GAS7: variants seen among roughly 807,000 people sequenced by gnomAD.
GAS7 encodes the protein growth arrest specific 7.
GAS7 carries 28 observed loss-of-function variants against 71.1 expected under a neutral mutation model. The observed-to-expected ratio is 0.39, with a 90% CI of 0.29 to 0.54. GAS7 has a LOEUF of 0.54. Among genes scored for constraint, GAS7 ranks in the 20% least tolerant of loss-of-function variants. The probability of loss-of-function intolerance (pLI) is 0.62; values close to 1 mark genes in which losing one functional copy is unlikely to be tolerated. For missense variants in GAS7, 436 were observed against 627.8 expected (o/e 0.69, Z 3.27); for synonymous variants, 258 against 245.8 (o/e 1.05, Z -0.46).
chr17:10,051,166 C>T (rs1288010911), intron 1 of GAS7, among the ~76,000 whole-genome samples: 3 of 152,204 alleles, frequency 2.0e-5, no homozygotes, highest in Admixed American at 2.0e-4. Flanking sequence ...CCACCACCTA[C>T]TTCATAGAAT....
rs1483205243 is a variant in GAS7 at position 9,917,165 on chromosome 17, G to C, written c.*63C>G. On this transcript the variant is annotated 3_prime_UTR_variant, in exon 14 of 14. Coordinates refer to ENST00000432992, the MANE Select transcript of GAS7 (RefSeq NM_201433.2). ...GGGTGGGGGGCATCCACTCGGCATG[G>C]GCCCCATGGTGGGAGCCCAGCCCCC... 11 of 1,012,110 alleles carry C rather than the reference G, an allele frequency of 1.1e-5. No homozygotes were observed. The highest frequency in any genetic ancestry group is 1.6e-5 in the Non-Finnish European group (10 of 631,686). The allele number at this position is 1,012,110 out of a possible 1,614,324, so 62.7% of individuals were successfully genotyped here. A position where few individuals can be genotyped will look rare whatever the true frequency, so the allele number is the denominator to read the frequency against.
At chr17:10,071,897 A>G (rs2073343015) in intron 1 of GAS7, among the ~76,000 whole-genome samples, 1 of 149,812 alleles carries the variant, frequency 6.7e-6, no homozygotes, top group Admixed American at 6.7e-5. Flanking sequence ...AGATCGCACC[A>G]CTGAACTCCA....
At chr17:10,050,001 A>T (rs1358778707) in intron 1 of GAS7, among the ~76,000 whole-genome samples, 1 of 152,180 alleles carries the variant, frequency 6.6e-6, no homozygotes, top group African/African-American at 2.4e-5. Context: ...AAAAATATAC[A>T]CAACATAAAA....
At chr17:9,954,424 A>T (rs1436171542) in intron 5 of GAS7, among the ~76,000 whole-genome samples, 1 of 149,970 alleles carries the variant, frequency 6.7e-6, no homozygotes, top group Non-Finnish European at 1.5e-5. Context: ...GATGCACTGG[A>T]GGGAGAACGT....
At chr17:10,058,339 G>A (rs2073176587) in intron 1 of GAS7, among the ~76,000 whole-genome samples, 1 of 152,122 alleles carries the variant, frequency 6.6e-6, no homozygotes, top group Admixed American at 6.5e-5. Context: ...TGTAGTCCAA[G>A]CTACTCAGGA....
chr17:9,936,639 C>G (rs2068411556), intron 8 of GAS7, among the ~76,000 whole-genome samples: 1 of 152,088 alleles, frequency 6.6e-6, no homozygotes, highest in Non-Finnish European at 1.5e-5. Context: ...AGTCACATCA[C>G]CATTTATTAA....
At chr17:10,102,231 A>G (rs62066665) in intron 1 of GAS7, among the ~76,000 whole-genome samples, 12,527 of 127,564 alleles carry the variant, frequency 0.098, 774 homozygotes, top group Non-Finnish European at 0.13. Flanking sequence ...AAAAAAAAAA[A>G]GAATCTTCCC....
intron 5 of GAS7, among the ~76,000 whole-genome samples, chr17:9,949,680 G>T (rs529050978): frequency 2.6e-5 from 4 of 152,318 alleles, no homozygotes; most frequent in Non-Finnish European, 4.4e-5. Context: ...AAGGATCAGA[G>T]GCAGGAATGA....
chr17:9,988,664 G>C (rs909470256), intron 2 of GAS7, among the ~76,000 whole-genome samples: 1 of 151,926 alleles, frequency 6.6e-6, no homozygotes, highest in Non-Finnish European at 1.5e-5. Flanking sequence ...TCCAGCCTGG[G>C]TGACAGAGCA....
Position 9,926,390 on chromosome 17 carries a change from C to T in GAS7, c.1014+251G>A, listed in dbSNP as rs2068000381. On this transcript the variant is annotated intron_variant, in intron 10 of 13. Coordinates refer to ENST00000432992, the MANE Select transcript of GAS7 (RefSeq NM_201433.2). The surrounding 1 kb of genome is among the most constrained non-coding windows in gnomAD (Gnocchi z 5.0). ...CCAACAGCCACTCGACTGCCCACTG[C>T]AGCTGCAGCCTCTCCTCGCACCCCT... Among the ~76,000 whole-genome samples the T allele has an allele frequency of 6.6e-6, 1 of 152,212 alleles. No individual in the cohort carries two copies. The highest frequency in any genetic ancestry group is 1.5e-5 in the Non-Finnish European group (1 of 68,032).
rs193179576 is a variant in GAS7, at chr17:10,103,300, T to G, written c.184-83403A>C. On this transcript the variant is annotated intron_variant, in intron 1 of 13. Coordinates refer to ENST00000432992, the MANE Select transcript of GAS7 (RefSeq NM_201433.2). This position sits in a 1 kb window ranked among gnomAD's most constrained non-coding sequence, Gnocchi z 5.5. Reference sequence around the variant, plus strand: ...TAGAGGCTGCAGTGAGAGCTGTGACTGTAACACTGTACTCCATCCAGTCTG... The same window carrying G: ...TAGAGGCTGCAGTGAGAGCTGTGACGGTAACACTGTACTCCATCCAGTCTG... Among the ~76,000 whole-genome samples, 1 of 152,022 alleles carries G rather than the reference T, an allele frequency of 6.6e-6. No homozygotes were observed. The highest frequency in any genetic ancestry group is 1.5e-5 in the Non-Finnish European group (1 of 67,986).
rs55877232 is a variant in GAS7 at position 10,116,314 on chromosome 17, CAA to C, written c.183+81892_183+81893del. On this transcript the variant is annotated intron_variant, in intron 1 of 13. Transcript: ENST00000432992. ...AGGGGACAGAGTGAGACTCTTGCCT[CAA>C]AAAAAAAAAAATGTTGGGTTTAGAG... Among the ~76,000 whole-genome samples the C allele has an allele frequency of 3.7e-3, 547 of 147,550 alleles. 4 individuals carry two copies. Among genetic ancestry groups the C allele is most frequent in the Non-Finnish European group, 6.0e-3 (398 of 66,540 alleles).
chr17:10,025,911 T>C (rs2072447333), intron 1 of GAS7, among the ~76,000 whole-genome samples: 1 of 152,234 alleles, frequency 6.6e-6, no homozygotes, highest in Non-Finnish European at 1.5e-5. Context: ...AAAAAGACAG[T>C]GTTGGGCTGC....
chr17:9,916,903 A>G lies in GAS7; in HGVS notation c.*325T>C, dbSNP rs1180489477. 4.2e-6 allele frequency: 2 copies of G among 479,916 alleles called. No homozygotes were observed. The highest frequency in any genetic ancestry group is 3.0e-5 in the East Asian group (1 of 33,290). The allele number at this position is 479,916 out of a possible 1,614,324, so 29.7% of individuals were successfully genotyped here. On this transcript the variant is annotated 3_prime_UTR_variant, in exon 14 of 14. Coordinates refer to ENST00000432992, the MANE Select transcript of GAS7 (RefSeq NM_201433.2). ...AGAGCCTTGGGGCTTCCAGGGCACAAGCATGTGACAGTGACCCCTACAAAA... is the reference window on the plus strand; with the variant it reads ...AGAGCCTTGGGGCTTCCAGGGCACAGGCATGTGACAGTGACCCCTACAAAA...
intron 3 of GAS7, among the ~76,000 whole-genome samples, chr17:9,980,044 G>C (rs963034605): frequency 1.4e-4 from 21 of 151,614 alleles, no homozygotes; most frequent in Non-Finnish European, 2.8e-4. Flanking sequence ...CCCACACAGG[G>C]GGTTCCTTTC....
chr17:10,198,205 T>C lies in GAS7; in HGVS notation c.183+3A>G. The C allele has an allele frequency of 3.7e-6, 6 of 1,607,326 alleles. No individual in the cohort carries two copies. Among genetic ancestry groups the C allele is most frequent in the Non-Finnish European group, 5.1e-6 (6 of 1,179,028 alleles). ...TCCTACAGCCCCGGCCCTCGCCCCT[T>C]ACCTCCAGCAACTGCACGTAGCTCG... On this transcript the variant is annotated splice_donor_region_variant and intron_variant, in intron 1 of 13. Coordinates refer to ENST00000432992, the MANE Select transcript of GAS7 (RefSeq NM_201433.2).
intron 2 of GAS7, among the ~76,000 whole-genome samples, chr17:10,010,296 A>G (rs922986036): frequency 6.6e-6 from 1 of 151,700 alleles, no homozygotes; most frequent in Non-Finnish European, 1.5e-5. Flanking sequence ...ACTTACAGGC[A>G]CCCGCCACCA....
intron 2 of GAS7, among the ~76,000 whole-genome samples, chr17:9,984,481 T>C (rs1597612724): frequency 6.6e-6 from 1 of 152,130 alleles, no homozygotes; most frequent in African/African-American, 2.4e-5. Context: ...CAGACAGTAG[T>C]AGGGTCTTTT....
intron 5 of GAS7, among the ~76,000 whole-genome samples, chr17:9,958,246 C>T (rs577460206): frequency 1.1e-4 from 17 of 152,294 alleles, no homozygotes; most frequent in Admixed American, 2.6e-4. Context: ...ATTGATTCCA[C>T]GACTGACACT....
Sources: allele counts gnomAD v4.1 joint callset (sites outside exome capture counted in the v4.1 genomes callset), GRCh38; gene constraint gnomAD v4.1.1; non-coding constraint Gnocchi (gnomAD v3.1); transcripts MANE v1.5; gene names NCBI Gene and HGNC (gene_info 2026-07-23, HGNC 2026-07-21).